Variants in LMO7 observed in about 807,000 individuals in gnomAD.
LMO7 encodes the protein LIM domain 7.
A neutral mutation model predicts 206.5 loss-of-function variants in LMO7; 120 were observed. The ratio of observed to expected loss-of-function variants is 0.58; its 90% CI spans 0.50 to 0.68. LMO7 has a LOEUF of 0.68. Ranked by LOEUF, LMO7 falls within the 30% of genes least tolerant of loss-of-function variation. The pLI is 0.00. For synonymous variants in LMO7, 706 were observed against 681.5 expected (o/e 1.04, Z -0.56); for missense variants, 1,959 against 1,957.9 (o/e 1.00, Z -0.01).
chr13:75,652,730 T>C (rs2037705317), intron 1 of LMO7, among the ~76,000 whole-genome samples: 1 of 151,452 alleles, frequency 6.6e-6, no homozygotes, highest in African/African-American at 2.4e-5. Flanking sequence ...TTATTGCCAA[T>C]GCAGAATTTC....
intron 15 of LMO7, among the ~76,000 whole-genome samples, chr13:75,826,144 A>G (rs1227416723): frequency 6.6e-6 from 1 of 152,036 alleles, no homozygotes; most frequent in Non-Finnish European, 1.5e-5. Context: ...GGACTGAAGC[A>G]ATCCTCCCAC....
At chr13:75,740,143 A>G (rs1440957521) in intron 3 of LMO7, among the ~76,000 whole-genome samples, 4 of 152,244 alleles carry the variant, frequency 2.6e-5, no homozygotes, top group Non-Finnish European at 5.9e-5. Context: ...AGTTACAGGA[A>G]TAAGCAGACA....
chr13:75,645,686 T>G (rs1246615698), intron 1 of LMO7, among the ~76,000 whole-genome samples: 1 of 152,232 alleles, frequency 6.6e-6, no homozygotes, highest in Non-Finnish European at 1.5e-5. Flanking sequence ...CCCTGTGTTA[T>G]GAAGAAAATA....
At position 75,859,502 on chromosome 13, in the gene LMO7, G is replaced by A. The variant is rs1203848239; in HGVS notation, c.*1559G>A. On this transcript the variant is annotated 3_prime_UTR_variant, in exon 31 of 31. Coordinates refer to ENST00000377534, the MANE Select transcript of LMO7 (RefSeq NM_001306080.2). Reference sequence around the variant, plus strand: ...CATTGTTTGGCCTTGGTAATATTTAGTTGATAATTCCATTACTGTGTATTT... The same window carrying A: ...CATTGTTTGGCCTTGGTAATATTTAATTGATAATTCCATTACTGTGTATTT... The A allele has an allele frequency of 6.6e-6, 1 of 152,054 alleles. No individual in the cohort carries two copies. Among genetic ancestry groups the A allele is most frequent in the African/African-American group, 2.4e-5 (1 of 41,386 alleles). The allele number at this position is 152,054 out of a possible 1,614,324, so 9.4% of individuals were successfully genotyped here. A position where few individuals can be genotyped will look rare whatever the true frequency, so the allele number is the denominator to read the frequency against.
chr13:75,774,979 T>C (rs765584801), intron 4 of LMO7, among the ~76,000 whole-genome samples: 2 of 152,108 alleles, frequency 1.3e-5, no homozygotes, highest in South Asian at 4.1e-4. Flanking sequence ...ATAAGGACTA[T>C]GAAGAAAAAT....
chr13:75,638,245 T>C (rs927254380), intron 1 of LMO7, among the ~76,000 whole-genome samples: 10 of 152,166 alleles, frequency 6.6e-5, no homozygotes, highest in Non-Finnish European at 1.5e-4. Context: ...GAAACATGAA[T>C]AGGAATGATT....
chr13:75,847,985 C>A (rs764245776), intron 26 of LMO7, among the ~76,000 whole-genome samples: 1 of 144,912 alleles, frequency 6.9e-6, no homozygotes, highest in Non-Finnish European at 1.5e-5. Flanking sequence ...ATTGAGGCTG[C>A]AATTTCAAAT....
At chr13:75,651,148 A>G (rs1382161431) in intron 1 of LMO7, among the ~76,000 whole-genome samples, 3 of 152,206 alleles carry the variant, frequency 2.0e-5, no homozygotes, top group African/African-American at 4.8e-5. Flanking sequence ...TAGTTCTGGT[A>G]AAAGAATGTG....
chr13:75,715,061 C>T (rs2043421402), intron 2 of LMO7, among the ~76,000 whole-genome samples: 1 of 152,136 alleles, frequency 6.6e-6, no homozygotes, highest in Non-Finnish European at 1.5e-5. Flanking sequence ...TTATATATTT[C>T]CAGTAATGAA....
At chr13:75,671,498 A>T (rs1161026435) in intron 1 of LMO7, among the ~76,000 whole-genome samples, 4 of 152,108 alleles carry the variant, frequency 2.6e-5, no homozygotes. Flanking sequence ...TGACCAGAAC[A>T]TCTTTATCCG....
At chr13:75,781,522 C>T (rs369081850) in intron 4 of LMO7, among the ~76,000 whole-genome samples, 56 of 151,652 alleles carry the variant, frequency 3.7e-4, no homozygotes, top group African/African-American at 1.2e-3. Context: ...TAATCCAGTC[C>T]ATCATTGTTG....
intron 15 of LMO7, among the ~76,000 whole-genome samples, chr13:75,830,283 A>G (rs964359114): frequency 3.9e-5 from 6 of 152,188 alleles, no homozygotes; most frequent in African/African-American, 1.2e-4. Flanking sequence ...CAAGACTGCC[A>G]TAAGGGGAAG....
chr13:75,769,140 T>C (rs2049293785), intron 4 of LMO7, among the ~76,000 whole-genome samples: 1 of 152,090 alleles, frequency 6.6e-6, no homozygotes, highest in Non-Finnish European at 1.5e-5. Context: ...AACCTGACTA[T>C]CAAATGTTAA....
intron 1 of LMO7, among the ~76,000 whole-genome samples, chr13:75,701,890 A>G (rs2042307099): frequency 1.3e-5 from 2 of 152,138 alleles, no homozygotes; most frequent in South Asian, 4.1e-4. Flanking sequence ...ATTTTGATGG[A>G]TTGATGAAAC....
rs376947956 is a variant in LMO7, at chr13:75,659,105, G to T, written c.69+22379G>T. Among the ~76,000 whole-genome samples, 36 of 151,846 alleles carry T rather than the reference G, an allele frequency of 2.4e-4. No individual in the cohort carries two copies. The East Asian group carries it at 6.6e-3, about 28-fold the overall frequency. On this transcript the variant is annotated intron_variant, in intron 1 of 30. Transcript: ENST00000377534. ...ATCTTTAGCATTATGTGGTATCTTT[G>T]ACTTTTTTCTATCTTAATAGTAATG...
At chr13:75,759,154 G>A (rs530681031) in intron 3 of LMO7, among the ~76,000 whole-genome samples, 7 of 152,224 alleles carry the variant, frequency 4.6e-5, no homozygotes, top group East Asian at 1.9e-4. Flanking sequence ...TCACTATCAC[G>A]AGAACAGCAT....
chr13:75,832,805 A>G (rs1490298453), intron 15 of LMO7, among the ~76,000 whole-genome samples: 2 of 152,202 alleles, frequency 1.3e-5, no homozygotes, highest in South Asian at 2.1e-4. Context: ...GAATTAAAGT[A>G]TTAATATGAA....
At position 75,856,553 on chromosome 13, in the gene LMO7, A is replaced by C. The variant is rs749505909; in HGVS notation, c.4818A>C (p.Glu1606Asp). Residue 1606 changes from glutamate to aspartate, a missense_variant, in exon 30 of 31, where the codon GAA becomes GAC. Physicochemically the swap from Glu to Asp is conservative, Grantham distance 45. Coordinates refer to ENST00000377534, the MANE Select transcript of LMO7 (RefSeq NM_001306080.2). ...CDLGGSSSGAEVRIRNHQLYC... is the reference protein window; with the variant it reads ...CDLGGSSSGADVRIRNHQLYC... The stretch of plus-strand genomic sequence containing the variant: ...TCGGAGGCTCTTCCTCAGGAGCTGA[A>C]GTCAGGATCAGAAACCACCAACTGT... 1 of 1,612,908 alleles carries C rather than the reference A, an allele frequency of 6.2e-7. No homozygotes were observed. Among genetic ancestry groups the C allele is most frequent in the Admixed American group, 1.7e-5 (1 of 59,986 alleles).
At chr13:75,735,115 ACG>A (rs1491248719) in intron 3 of LMO7, among the ~76,000 whole-genome samples, 1 of 111,642 alleles carries the variant, frequency 9.0e-6, no homozygotes, top group Admixed American at 1.0e-4. Flanking sequence ...AAAAAAAATT[ACG>A]TGTGTGTGTG....
Sources: allele counts gnomAD v4.1 joint callset (sites outside exome capture counted in the v4.1 genomes callset), GRCh38; gene constraint gnomAD v4.1.1; transcripts MANE v1.5; gene names NCBI Gene and HGNC (gene_info 2026-07-23, HGNC 2026-07-21).